Variants in PLAC1 observed in about 807,000 individuals in gnomAD.
The protein encoded by PLAC1 is placenta associated 1.
For synonymous variants in PLAC1, 68 were observed against 62.1 expected (o/e 1.09, Z -0.44); for missense variants, 136 against 163.2 (o/e 0.83, Z 0.91).
intron 2 of PLAC1, among the ~76,000 whole-genome samples, chrX:134,581,334 G>C (rs1295861554): frequency 1.8e-5 from 2 of 110,636 alleles, no homozygotes; most frequent in African/African-American, 3.3e-5. Flanking sequence ...TGGAAAAAGG[G>C]TGGGGGGCAC....
chrX:134,568,541 G>A (rs777702993), intron 2 of PLAC1, among the ~76,000 whole-genome samples: 1 of 111,581 alleles, frequency 9.0e-6, no homozygotes, highest in Admixed American at 9.6e-5. Context: ...GGGGTGTTGT[G>A]GGTGTAAAAG....
chrX:134,679,835 C>T (rs2147815343), intron 2 of PLAC1, among the ~76,000 whole-genome samples: 1 of 112,204 alleles, frequency 8.9e-6, no homozygotes, highest in South Asian at 3.8e-4. Context: ...GTGTGACCTT[C>T]AGAGATTCAC....
At chrX:134,679,055 A>G (rs2078484975) in intron 2 of PLAC1, among the ~76,000 whole-genome samples, 1 of 111,708 alleles carries the variant, frequency 9.0e-6, no homozygotes, top group Admixed American at 9.5e-5. Flanking sequence ...GGCCTTGCTG[A>G]CACCTTGATT....
At chrX:134,620,280 A>G (rs2078204503) in intron 1 of PLAC1, among the ~76,000 whole-genome samples, 1 of 112,463 alleles carries the variant, frequency 8.9e-6, no homozygotes, top group South Asian at 3.7e-4. Context: ...TTCCTTGCCA[A>G]CTAGAGGTCC....
At chrX:134,618,411 C>A (rs186917240) in intron 1 of PLAC1, among the ~76,000 whole-genome samples, 121 of 109,867 alleles carry the variant, frequency 1.1e-3, no homozygotes, top group Non-Finnish European at 1.9e-3. Context: ...TACATCATCT[C>A]ACTTTTTTTT....
At chrX:134,754,528 G>T (rs998760653) in intron 1 of PLAC1, among the ~76,000 whole-genome samples, 50 of 111,244 alleles carry the variant, frequency 4.5e-4, no homozygotes, top group African/African-American at 1.5e-3. Flanking sequence ...TTCTGGGCTT[G>T]TAAAAATCAA....
chrX:134,734,193 G>A (rs761857433), intron 1 of PLAC1, among the ~76,000 whole-genome samples: 1 of 112,781 alleles, frequency 8.9e-6, no homozygotes, highest in Non-Finnish European at 1.9e-5. Context: ...GTGTTGTTAG[G>A]TTGAAGGTTT....
intron 1 of PLAC1, among the ~76,000 whole-genome samples, chrX:134,749,045 G>A (rs1408297360): frequency 1.1e-4 from 12 of 112,141 alleles, no homozygotes; most frequent in Non-Finnish European, 9.4e-5. Flanking sequence ...GGCTGGGCAT[G>A]GTGGCTCACA....
At chrX:134,619,510 G>C (rs1446865203) in intron 1 of PLAC1, among the ~76,000 whole-genome samples, 9 of 110,286 alleles carry the variant, frequency 8.2e-5, no homozygotes, top group Non-Finnish European at 1.5e-4. Flanking sequence ...AATTAGCCAG[G>C]CATGGTGGCA....
intron 2 of PLAC1, among the ~76,000 whole-genome samples, chrX:134,686,834 T>C (rs1399341830): frequency 9.0e-6 from 1 of 111,198 alleles, no homozygotes; most frequent in Non-Finnish European, 1.9e-5. Flanking sequence ...TCCTGTTTCT[T>C]CTTCCAATAT....
chrX:134,674,685 T>G (rs1298449592), intron 2 of PLAC1, among the ~76,000 whole-genome samples: 1 of 112,408 alleles, frequency 8.9e-6, no homozygotes, highest in Non-Finnish European at 1.9e-5. Flanking sequence ...CTATGTTGGT[T>G]TCATGTAGAT....
intron 2 of PLAC1, among the ~76,000 whole-genome samples, chrX:134,716,374 T>C (rs963914461): frequency 2.7e-5 from 3 of 112,115 alleles, no homozygotes; most frequent in Admixed American, 9.4e-5. Context: ...GGGCCTGGGG[T>C]GGTTGACCTT....
chrX:134,744,538 G>T (rs1172715848), intron 1 of PLAC1, among the ~76,000 whole-genome samples: 9 of 111,736 alleles, frequency 8.1e-5, no homozygotes, highest in Non-Finnish European at 1.3e-4. Context: ...ATAGTGAGGA[G>T]TCAATTAAGT....
intron 2 of PLAC1, among the ~76,000 whole-genome samples, chrX:134,682,330 T>C (rs756059666): frequency 6.2e-5 from 7 of 112,133 alleles, no homozygotes; most frequent in Non-Finnish European, 1.1e-4. Context: ...AGCAGGAACT[T>C]TGAAGAATAG....
intron 2 of PLAC1, among the ~76,000 whole-genome samples, chrX:134,673,120 C>T (rs1464787384): frequency 1.8e-5 from 2 of 110,948 alleles, no homozygotes; most frequent in African/African-American, 6.6e-5. Context: ...CTGGGTGAGC[C>T]TCTGCAGGCT....
intron 2 of PLAC1, among the ~76,000 whole-genome samples, chrX:134,678,069 C>T (rs1046343606): frequency 1.8e-5 from 2 of 111,525 alleles, no homozygotes; most frequent in African/African-American, 6.5e-5. Context: ...TCCACAAGCT[C>T]GTCTCACTGC....
At chrX:134,659,739 G>A (rs1482165692), upstream of PLAC1, among the ~76,000 whole-genome samples, 3 of 112,029 alleles carry the variant, frequency 2.7e-5, no homozygotes, top group Admixed American at 2.8e-4. Context: ...AAGTAATTGC[G>A]GTTTTTGCCG....
At chrX:134,587,233 C>T (rs1248859579) in intron 2 of PLAC1, among the ~76,000 whole-genome samples, 1 of 109,728 alleles carries the variant, frequency 9.1e-6, no homozygotes, top group Non-Finnish European at 1.9e-5. Context: ...GGTTCTCTCC[C>T]CACAGAAGTC....
intron 1 of PLAC1, among the ~76,000 whole-genome samples, chrX:134,653,631 T>C (rs1345948174): frequency 2.7e-5 from 3 of 111,535 alleles, no homozygotes; most frequent in Non-Finnish European, 5.6e-5. Context: ...AGCATATGGC[T>C]TCATGGGTCT....
Sources: gnomAD v4.1 joint callset for allele counts (sites outside exome capture counted in the v4.1 genomes callset) on GRCh38, gnomAD v4.1.1 for gene constraint, MANE v1.5 for transcripts, NCBI Gene and HGNC (gene_info 2026-07-23, HGNC 2026-07-21) for gene names.